FBXO33: variants seen among roughly 807,000 people sequenced by gnomAD.
FBXO33 encodes F-box only protein 33.
In FBXO33, 22 loss-of-function variants were observed where a neutral mutation model predicts 46.3. The ratio of observed to expected loss-of-function variants is 0.48; its 90% confidence interval spans 0.34 to 0.68. The LOEUF (loss-of-function observed/expected upper bound fraction) is 0.68. Ranked by LOEUF, FBXO33 falls within the 30% of genes least tolerant of loss-of-function variation. The pLI is 0.01. For missense variants in FBXO33, 692 were observed against 708.8 expected, an observed-to-expected ratio of 0.98 and a Z score of 0.27; for synonymous variants, 337 against 291.3, an observed-to-expected ratio of 1.16 and a Z score of -1.60.
At chr14:39,420,744 AT>A (rs2075479154) in intron 1 of FBXO33, among the ~76,000 whole-genome samples, 1 of 152,144 alleles carries the variant, frequency 6.6e-6, no homozygotes, top group African/African-American at 2.4e-5. Flanking sequence ...AAATCTTCAA[AT>A]TACTGAATCT....
chr14:39,399,569 C>T lies in FBXO33; in HGVS notation c.1615G>A (p.Glu539Lys), dbSNP rs2075359034. 1.2e-6 allele frequency: 2 copies of T among 1,612,764 alleles called. No individual in the cohort carries two copies. The highest frequency in any genetic ancestry group is 2.7e-5 in the African/African-American group (2 of 74,884). ...TCTCTGTAAAAATGACGATTTGGTTCAGTGAAGACACTGAGTGATTCGATG... is the reference window on the plus strand; with the variant it reads ...TCTCTGTAAAAATGACGATTTGGTTTAGTGAAGACACTGAGTGATTCGATG... ...MDIESLSVFTEPNRHFYREMQ... is the reference protein window; with the variant it reads ...MDIESLSVFTKPNRHFYREMQ... The change falls in exon 4 of 4, where the codon GAA (glutamate) becomes AAA (lysine). Residue 539 changes from glutamate to lysine, a missense_variant. Glu to Lys is a moderately conservative substitution (Grantham distance 56). This residue lies in a region of FBXO33 where 94 missense variants were observed against 91.9 expected (regional missense o/e 1.02). Coordinates refer to ENST00000298097, the MANE Select transcript of FBXO33 (RefSeq NM_203301.4).
At chr14:39,400,568 T>A (rs1388653807) in intron 3 of FBXO33, among the ~76,000 whole-genome samples, 1 of 151,494 alleles carries the variant, frequency 6.6e-6, no homozygotes, top group African/African-American at 2.4e-5. Flanking sequence ...AAAAAAAAAA[T>A]AATGAAACAG....
At chr14:39,430,064 TACTC>T (rs1178906118) in intron 1 of FBXO33, among the ~76,000 whole-genome samples, 3 of 152,236 alleles carry the variant, frequency 2.0e-5, no homozygotes, top group Non-Finnish European at 4.4e-5. Flanking sequence ...ATCTAATTGG[TACTC>T]ACTCATTGAA....
intron 1 of FBXO33, among the ~76,000 whole-genome samples, chr14:39,418,189 G>C (rs949409048): frequency 1.3e-5 from 2 of 151,144 alleles, no homozygotes; most frequent in Non-Finnish European, 3.0e-5. Context: ...TCAGCCTCCC[G>C]AGTAGCTGGG....
intron 1 of FBXO33, among the ~76,000 whole-genome samples, chr14:39,409,093 G>T (rs755884596): frequency 6.6e-6 from 1 of 151,872 alleles, no homozygotes; most frequent in Non-Finnish European, 1.5e-5. Flanking sequence ...CTTTTATTAC[G>T]ATGTCCCACT....
intron 2 of FBXO33, 75 bp from the exon 3 acceptor site, chr14:39,401,936 A>G: frequency 8.1e-7 from 1 of 1,236,238 alleles, no homozygotes; most frequent in Non-Finnish European, 1.1e-6. Flanking sequence ...TTTTGAAAAT[A>G]GGCAATGAAA....
chr14:39,409,134 T>C (rs934289435), intron 1 of FBXO33, among the ~76,000 whole-genome samples: 1 of 152,156 alleles, frequency 6.6e-6, no homozygotes, highest in African/African-American at 2.4e-5. Flanking sequence ...GCCTTTGTTT[T>C]TGGTGTCAAA....
chr14:39,415,596 C>G (rs955670783), intron 1 of FBXO33, among the ~76,000 whole-genome samples: 1 of 152,164 alleles, frequency 6.6e-6, no homozygotes, highest in South Asian at 2.1e-4. Flanking sequence ...TACGTTGCTA[C>G]TGATGTTCTA....
chr14:39,422,880 T>C (rs944670200), intron 1 of FBXO33, among the ~76,000 whole-genome samples: 25 of 152,176 alleles, frequency 1.6e-4, no homozygotes, highest in African/African-American at 6.0e-4. Context: ...TCCTAGCACT[T>C]TGGGAAGCCA....
rs911515287 is a variant in FBXO33 at position 39,398,132 on chromosome 14, G to A, written c.*1384C>T. The stretch of plus-strand genomic sequence containing the variant: ...AATTGTGTTTCCAAAGCTTACAATA[G>A]AGCAGCCAGGTCTCAGCACTGCTGG... On this transcript the variant is annotated 3_prime_UTR_variant, in exon 4 of 4. Coordinates refer to ENST00000298097, the MANE Select transcript of FBXO33 (RefSeq NM_203301.4). 1 of 152,630 alleles carries A rather than the reference G, an allele frequency of 6.6e-6. No homozygotes were observed. Among genetic ancestry groups the A allele is most frequent in the Non-Finnish European group, 1.5e-5 (1 of 68,046 alleles). 9.5% of individuals were successfully genotyped at this position (152,630 alleles called of 1,614,324 possible).
chr14:39,405,375 A>G (rs1378777026), intron 1 of FBXO33, among the ~76,000 whole-genome samples: 1 of 152,146 alleles, frequency 6.6e-6, no homozygotes, highest in Non-Finnish European at 1.5e-5. Flanking sequence ...TGGATTAGCT[A>G]TAGGGGGTGA....
chr14:39,413,185 G>A (rs528910181), intron 1 of FBXO33, among the ~76,000 whole-genome samples: 27 of 152,160 alleles, frequency 1.8e-4, no homozygotes, highest in African/African-American at 2.7e-4. Context: ...CTAAGTTTAC[G>A]GAATATTCTA....
In FBXO33 at chr14:39,401,784, A is replaced by G. The variant is rs748773357; in HGVS notation, c.788T>C (p.Ile263Thr). The stretch of plus-strand genomic sequence containing the variant: ...AGATGACAGTGATGTTGGGGTTACT[A>G]TTTCCAGCATAAACCCACAGGACAG... ...KWLSCGFMLEIVTPTSLSSLS... is the reference protein window; with the variant it reads ...KWLSCGFMLETVTPTSLSSLS... Residue 263 changes from isoleucine (I) to threonine (T), a missense_variant, in exon 3 of 4, where the codon ATA becomes ACA. This residue lies in a region of FBXO33 where 412 missense variants were observed against 370.8 expected (regional missense o/e 1.11). Coordinates refer to ENST00000298097, the MANE Select transcript of FBXO33 (RefSeq NM_203301.4). The G allele has an allele frequency of 1.2e-6, 2 of 1,614,054 alleles. No homozygotes were observed. Among genetic ancestry groups the G allele is most frequent in the Non-Finnish European group, 1.7e-6 (2 of 1,180,018 alleles).
intron 1 of FBXO33, among the ~76,000 whole-genome samples, chr14:39,410,826 G>A (rs1437607238): frequency 1.3e-5 from 2 of 152,066 alleles, no homozygotes; most frequent in Admixed American, 1.3e-4. Flanking sequence ...AGGCTCACAG[G>A]AGTCTCTTAT....
chr14:39,401,717 T>C lies in FBXO33; in HGVS notation c.855A>G (p.Leu285=). Residue 285 remains leucine (L), a synonymous_variant, in exon 3 of 4, where the codon TTA becomes TTG. Transcript: ENST00000298097. ...TGTTACCAGGAATATTATTGTCCAG[T>C]AAACTGAGGTGCTCCATGGTGTTGG... is the stretch of plus-strand genomic sequence containing the variant. ...AVANTMEHLS[L]LDNNIPGNST... 1 of 1,614,224 alleles carries C rather than the reference T, an allele frequency of 6.2e-7. No homozygotes were observed. Among genetic ancestry groups the C allele is most frequent in the Non-Finnish European group, 8.5e-7 (1 of 1,180,034 alleles).
chr14:39,398,030 A>T lies in FBXO33; in HGVS notation c.*1486T>A, dbSNP rs1278930089. The T allele has an allele frequency of 6.5e-6, 1 of 152,702 alleles. No individual in the cohort carries two copies. The highest frequency in any genetic ancestry group is 1.5e-5 in the Non-Finnish European group (1 of 68,054). The allele number at this position is 152,702 out of a possible 1,614,324, so 9.5% of individuals were successfully genotyped here. On this transcript the variant is annotated 3_prime_UTR_variant, in exon 4 of 4. Transcript: ENST00000298097. ...ACCTGTCAAAAGGTCATTTTAATAT[A>T]AGATGGTAAAACCATTTGTAAAACA...
chr14:39,405,278 C>T (rs960586814), intron 1 of FBXO33, among the ~76,000 whole-genome samples: 8 of 152,004 alleles, frequency 5.3e-5, no homozygotes, highest in African/African-American at 1.9e-4. Flanking sequence ...GATACTGGCA[C>T]CTTGAACTGG....
At chr14:39,423,586 T>TG (rs2075495951) in intron 1 of FBXO33, among the ~76,000 whole-genome samples, 1 of 152,306 alleles carries the variant, frequency 6.6e-6, no homozygotes, top group East Asian at 1.9e-4. Flanking sequence ...TAAAAATTAA[T>TG]GAACAACTAT....
chr14:39,428,225 A>G (rs1248871863), intron 1 of FBXO33, among the ~76,000 whole-genome samples: 3 of 151,882 alleles, frequency 2.0e-5, no homozygotes, highest in African/African-American at 4.8e-5. Flanking sequence ...TTTTTTTTTG[A>G]GACGGAGTCT....
Sources: allele counts gnomAD v4.1 joint callset (sites outside exome capture counted in the v4.1 genomes callset), GRCh38; gene constraint gnomAD v4.1.1; regional missense constraint gnomAD v4.1.1; transcripts MANE v1.5; gene names NCBI Gene and HGNC (gene_info 2026-07-23, HGNC 2026-07-21).